SERGEF: variants seen among roughly 807,000 people sequenced by gnomAD.
SERGEF encodes the protein secretion-regulating guanine nucleotide exchange factor.
A neutral mutation model predicts 50.0 loss-of-function variants in SERGEF; 51 were observed. That is an observed-to-expected ratio of 1.02 (90% CI 0.81 to 1.29). SERGEF has a LOEUF of 1.29. SERGEF is among the 50% of genes most tolerant of loss of function. The pLI, the probability that SERGEF is intolerant of heterozygous loss-of-function variation, is 0.00. For missense variants in SERGEF, 521 were observed against 557.0 expected, an observed-to-expected ratio of 0.94 and a Z score of 0.65; for synonymous variants, 205 against 212.4, an observed-to-expected ratio of 0.97 and a Z score of 0.30.
intron 10 of SERGEF, among the ~76,000 whole-genome samples, chr11:17,810,947 T>C (rs181925733): frequency 6.6e-6 from 1 of 152,306 alleles, no homozygotes; most frequent in East Asian, 1.9e-4. Context: ...CGAAAGAGAT[T>C]TCTGCATCCA....
chr11:17,989,387 A>G (rs949050352), intron 7 of SERGEF, among the ~76,000 whole-genome samples: 5 of 152,198 alleles, frequency 3.3e-5, no homozygotes, highest in Non-Finnish European at 7.3e-5. Flanking sequence ...TCTGCTAACT[A>G]GCTATTGACC....
chr11:17,854,543 G>C (rs181823770), intron 10 of SERGEF, among the ~76,000 whole-genome samples: 1 of 152,190 alleles, frequency 6.6e-6, no homozygotes, highest in East Asian at 1.9e-4. Flanking sequence ...TTACTGACTA[G>C]CAATGGCTTT....
chr11:17,897,755 G>C (rs1440383058), intron 9 of SERGEF, among the ~76,000 whole-genome samples: 5 of 152,158 alleles, frequency 3.3e-5, no homozygotes, highest in African/African-American at 1.2e-4. Context: ...CTGTGGTTGG[G>C]GTGGATTGGT....
chr11:17,985,548 C>T (rs958877746), intron 8 of SERGEF, among the ~76,000 whole-genome samples: 4 of 152,164 alleles, frequency 2.6e-5, no homozygotes, highest in African/African-American at 7.2e-5. Flanking sequence ...GAACAATGAT[C>T]GGGAACATTA....
rs1272926263 is a variant in SERGEF at position 18,013,017 on chromosome 11, A to T, written c.-7T>A. 16 of 1,379,032 alleles carry T rather than the reference A, an allele frequency of 1.2e-5. No individual in the cohort carries two copies. The highest frequency in any genetic ancestry group is 1.4e-5 in the Non-Finnish European group (15 of 1,077,458). 85.4% of individuals were successfully genotyped at this position (1,379,032 alleles called of 1,614,324 possible). On this transcript the variant is annotated 5_prime_UTR_variant, in exon 1 of 11. Coordinates refer to ENST00000265965, the MANE Select transcript of SERGEF (RefSeq NM_012139.4). This position sits in a 1 kb window ranked among gnomAD's most constrained non-coding sequence, Gnocchi z 4.3. ...CGCTGGGCTCGCGCTCCATGCGAGG[A>T]CGCTCCGCCGGCGCTTCCGGGAGGG... is the stretch of plus-strand genomic sequence containing the variant.
chr11:17,904,977 A>T (rs1307213852), intron 9 of SERGEF, among the ~76,000 whole-genome samples: 2 of 152,208 alleles, frequency 1.3e-5, no homozygotes, highest in East Asian at 1.9e-4. Flanking sequence ...TGACATCTGA[A>T]ATATCAACTG....
intron 9 of SERGEF, among the ~76,000 whole-genome samples, chr11:17,949,472 G>GAAC (rs1215553248): frequency 6.6e-6 from 1 of 152,068 alleles, no homozygotes; most frequent in East Asian, 1.9e-4. Context: ...GAGCCACTCA[G>GAAC]AACAAAGTCC....
chr11:17,917,110 T>G (rs1225687160), intron 9 of SERGEF, among the ~76,000 whole-genome samples: 9 of 152,224 alleles, frequency 5.9e-5, no homozygotes, highest in Non-Finnish European at 1.3e-4. Flanking sequence ...AAAAGATACT[T>G]GCACATGCAT....
chr11:17,972,191 C>T (rs1430735774), intron 8 of SERGEF, among the ~76,000 whole-genome samples: 3 of 152,208 alleles, frequency 2.0e-5, no homozygotes, highest in Non-Finnish European at 4.4e-5. Flanking sequence ...ATTTTATAAA[C>T]TTAATTGACA....
intron 9 of SERGEF, among the ~76,000 whole-genome samples, chr11:17,944,666 C>T (rs2133958770): frequency 6.6e-6 from 1 of 152,298 alleles, no homozygotes; most frequent in South Asian, 2.1e-4. Context: ...TACTGCACCA[C>T]TACCAGAAAT....
intron 9 of SERGEF, among the ~76,000 whole-genome samples, chr11:17,887,840 C>T (rs958886697): frequency 2.0e-5 from 3 of 152,218 alleles, no homozygotes; most frequent in Non-Finnish European, 4.4e-5. Context: ...GAATACTTTA[C>T]AGCAGGGGTC....
intron 10 of SERGEF, among the ~76,000 whole-genome samples, chr11:17,857,724 G>A (rs955442767): frequency 6.6e-6 from 1 of 152,220 alleles, no homozygotes; most frequent in African/African-American, 2.4e-5. Flanking sequence ...ATACTGTGCA[G>A]TCACACAACT....
intron 1 of SERGEF, chr11:18,012,655 G>T: frequency 8.6e-7 from 1 of 1,161,148 alleles, no homozygotes; most frequent in Non-Finnish European, 1.1e-6. Flanking sequence ...TCGGGCTGGA[G>T]GGCTCTCGCG....
At chr11:17,961,269 C>T (rs1255373467) in intron 8 of SERGEF, among the ~76,000 whole-genome samples, 1 of 152,178 alleles carries the variant, frequency 6.6e-6, no homozygotes, top group Non-Finnish European at 1.5e-5. Flanking sequence ...CAACACTCTT[C>T]CTTCACTTCT....
intron 9 of SERGEF, among the ~76,000 whole-genome samples, chr11:17,959,025 C>G (rs1022231780): frequency 6.6e-6 from 1 of 152,036 alleles, no homozygotes; most frequent in East Asian, 1.9e-4. Context: ...TGTGCCACCA[C>G]GCCCAGCTAA....
intron 10 of SERGEF, among the ~76,000 whole-genome samples, chr11:17,824,902 A>G (rs1850162899): frequency 6.6e-6 from 1 of 152,218 alleles, no homozygotes; most frequent in African/African-American, 2.4e-5. Flanking sequence ...AGTCCATAAC[A>G]GTGAGAGAAA....
intron 10 of SERGEF, among the ~76,000 whole-genome samples, chr11:17,865,464 T>C (rs920435206): frequency 1.3e-5 from 2 of 152,122 alleles, no homozygotes; most frequent in African/African-American, 2.4e-5. Context: ...GAAGAAGGCA[T>C]TGTTACCATT....
rs149642796 is a variant in SERGEF at position 17,923,235 on chromosome 11, G to A, written c.1011+36235C>T. On this transcript the variant is annotated intron_variant, in intron 9 of 10. Transcript: ENST00000265965. ...CAGGCTTCTGCCCTCATCCAGTTTA[G>A]CCTACTGGATCCTTAGTCCCTGGAG... Among the ~76,000 whole-genome samples the A allele has an allele frequency of 2.7e-3, 409 of 152,272 alleles. 1 individual carries two copies. Among genetic ancestry groups the A allele is most frequent in the African/African-American group, 9.1e-3 (378 of 41,540 alleles).
intron 10 of SERGEF, among the ~76,000 whole-genome samples, chr11:17,796,208 G>A (rs1023267543): frequency 2.0e-5 from 3 of 152,188 alleles, no homozygotes; most frequent in African/African-American, 7.2e-5. Flanking sequence ...GTAGCAAAGA[G>A]GAGAGGATGA....
Sources: gnomAD v4.1 joint callset for allele counts (sites outside exome capture counted in the v4.1 genomes callset) on GRCh38, gnomAD v4.1.1 for gene constraint, Gnocchi (gnomAD v3.1) non-coding constraint, MANE v1.5 for transcripts, NCBI Gene and HGNC (gene_info 2026-07-23, HGNC 2026-07-21) for gene names.